FAT3: variants seen among roughly 807,000 people sequenced by gnomAD.
The protein encoded by FAT3 is FAT atypical cadherin 3, also known as protocadherin Fat 3.
A neutral mutation model predicts 310.2 loss-of-function variants in FAT3; 95 were observed. The observed-to-expected ratio is 0.31, with a 90% CI of 0.26 to 0.36. FAT3 has a LOEUF of 0.36. FAT3 is among the 10% of genes least tolerant of loss of function. The pLI, the probability that FAT3 is intolerant of heterozygous loss-of-function variation, is 1.00. For synonymous variants in FAT3, 2,314 were observed against 2,192.9 expected, an observed-to-expected ratio of 1.06 and a Z score of -1.54; for missense variants, 5,408 against 5,715.6, an observed-to-expected ratio of 0.95 and a Z score of 1.74.
At chr11:92,776,109 TG>T (rs1220883432) in intron 7 of FAT3, among the ~76,000 whole-genome samples, 9 of 152,216 alleles carry the variant, frequency 5.9e-5, no homozygotes, top group African/African-American at 2.2e-4. Context: ...CTTAAAAACA[TG>T]ACATATTTGA....
intron 2 of FAT3, among the ~76,000 whole-genome samples, chr11:92,472,461 A>G (rs1951934033): frequency 5.3e-5 from 8 of 152,200 alleles, no homozygotes; most frequent in Admixed American, 4.6e-4. Context: ...AAGCATTTTG[A>G]GAATACAGAC....
intron 22 of FAT3, among the ~76,000 whole-genome samples, chr11:92,875,355 G>T (rs1949506076): frequency 3.0e-5 from 1 of 33,832 alleles, no homozygotes; most frequent in African/African-American, 8.4e-5. Flanking sequence ...AACAGAATGG[G>T]TAATGAAGTG....
At position 92,883,804 on chromosome 11, in the gene FAT3, G is replaced by A. The variant is rs1486029390; in HGVS notation, c.12937+411G>A. Among the ~76,000 whole-genome samples the A allele has an allele frequency of 6.6e-6, 1 of 152,174 alleles. No homozygotes were observed. The highest frequency in any genetic ancestry group is 2.4e-5 in the African/African-American group (1 of 41,428). ...TGGGCCTATGTACAAAGTGCAAAAAGCCACTTGAGTGATGTCCAGAAGTGT... is the reference window on the plus strand; with the variant it reads ...TGGGCCTATGTACAAAGTGCAAAAAACCACTTGAGTGATGTCCAGAAGTGT... On this transcript the variant is annotated intron_variant, in intron 24 of 27. Coordinates refer to ENST00000525166, the MANE Select transcript of FAT3 (RefSeq NM_001367949.2). The surrounding 1 kb of genome is among the most constrained non-coding windows in gnomAD (Gnocchi z 4.2).
chr11:92,852,124 A>G (rs1948846340), intron 19 of FAT3, among the ~76,000 whole-genome samples: 1 of 152,152 alleles, frequency 6.6e-6, no homozygotes, highest in Non-Finnish European at 1.5e-5. Flanking sequence ...TATATCTGAG[A>G]CCAAGGGGAC....
chr11:92,489,887 CTTTTTTTTTT>C lies in FAT3; in HGVS notation c.3293-34741_3293-34732del, dbSNP rs566218023. Among the ~76,000 whole-genome samples the C allele has an allele frequency of 5.8e-4, 81 of 139,974 alleles. 1 individual carries two copies. In the South Asian group the frequency reaches 0.018, roughly 31 times the overall value. The allele number at this position is 139,974 out of a possible 152,430, so 91.8% of individuals were successfully genotyped here. On this transcript the variant is annotated intron_variant, in intron 2 of 27. Transcript: ENST00000525166. ...GAGTTTTCGTAGTTTTTTTCTTTTT[CTTTTTTTTTT>C]TTTTTACTTTCTCCCATGAGCAGCG...
intron 3 of FAT3, among the ~76,000 whole-genome samples, chr11:92,623,860 G>A (rs953508548): frequency 6.6e-5 from 10 of 152,054 alleles, no homozygotes; most frequent in African/African-American, 1.7e-4. Context: ...GGAGAATGGC[G>A]TGAACCCGGG....
At chr11:92,709,908 T>C (rs1853054757) in intron 4 of FAT3, among the ~76,000 whole-genome samples, 1 of 152,194 alleles carries the variant, frequency 6.6e-6, no homozygotes, top group Non-Finnish European at 1.5e-5. Flanking sequence ...TGGGAGATCA[T>C]AAATACATAA....
At chr11:92,259,105 C>T (rs1865436047) in intron 1 of FAT3, among the ~76,000 whole-genome samples, 1 of 151,962 alleles carries the variant, frequency 6.6e-6, no homozygotes, top group East Asian at 1.9e-4. Context: ...CTTAGCACTG[C>T]AATATTAAGT....
At chr11:92,320,512 A>G (rs1361018804) in intron 1 of FAT3, among the ~76,000 whole-genome samples, 2 of 152,206 alleles carry the variant, frequency 1.3e-5, no homozygotes, top group Non-Finnish European at 2.9e-5. Flanking sequence ...GGTGGTTAAG[A>G]TAGCACTAAG....
At chr11:92,708,436 C>T (rs976485191) in intron 4 of FAT3, among the ~76,000 whole-genome samples, 10 of 152,160 alleles carry the variant, frequency 6.6e-5, no homozygotes, top group Non-Finnish European at 1.2e-4. Context: ...TGACCTACAG[C>T]CAAATTACTT....
At chr11:92,247,725 G>GTT (rs139681837) in intron 1 of FAT3, among the ~76,000 whole-genome samples, 9 of 141,688 alleles carry the variant, frequency 6.4e-5, no homozygotes, top group Admixed American at 7.1e-5. Context: ...AGGTTCACCT[G>GTT]TTTTTTTTTT....
At chr11:92,651,058 G>A (rs757364138) in intron 3 of FAT3, among the ~76,000 whole-genome samples, 24 of 152,168 alleles carry the variant, frequency 1.6e-4, no homozygotes, top group African/African-American at 3.9e-4. Flanking sequence ...TTGTGGAAAG[G>A]GGTTGGCCTC....
intron 2 of FAT3, among the ~76,000 whole-genome samples, chr11:92,371,949 A>G (rs1206440012): frequency 2.6e-5 from 4 of 152,178 alleles, no homozygotes; most frequent in Non-Finnish European, 5.9e-5. Flanking sequence ...TGAAATGGAG[A>G]CCACATATAA....
At chr11:92,659,201 C>T (rs1942686227) in intron 3 of FAT3, among the ~76,000 whole-genome samples, 1 of 152,206 alleles carries the variant, frequency 6.6e-6, no homozygotes, top group Non-Finnish European at 1.5e-5. Context: ...CTAAAATTCA[C>T]AGAGGCTAAC....
intron 3 of FAT3, among the ~76,000 whole-genome samples, chr11:92,612,276 C>T (rs1256276279): frequency 2.0e-5 from 3 of 152,154 alleles, no homozygotes; most frequent in African/African-American, 4.8e-5. Context: ...CTCACCCCTG[C>T]GAAAATCTCC....
At chr11:92,760,853 CTCT>C (rs1363507213) in intron 4 of FAT3, among the ~76,000 whole-genome samples, 5 of 152,236 alleles carry the variant, frequency 3.3e-5, no homozygotes, top group Middle Eastern at 3.4e-3. Flanking sequence ...TATGTATGTG[CTCT>C]TCATTACTCT....
At chr11:92,521,360 G>A (rs1953676271) in intron 2 of FAT3, among the ~76,000 whole-genome samples, 1 of 152,094 alleles carries the variant, frequency 6.6e-6, no homozygotes. Context: ...CTGTGAGAAT[G>A]GCACATGACC....
intron 4 of FAT3, among the ~76,000 whole-genome samples, chr11:92,703,498 A>G (rs1944166143): frequency 6.6e-6 from 1 of 152,202 alleles, no homozygotes; most frequent in Non-Finnish European, 1.5e-5. Flanking sequence ...AAATAGCAGC[A>G]TGGAGCAGGC....
chr11:92,578,165 A>G (rs1173539073), intron 3 of FAT3, among the ~76,000 whole-genome samples: 2 of 152,102 alleles, frequency 1.3e-5, no homozygotes, highest in African/African-American at 4.8e-5. Context: ...AGTTCCAGAA[A>G]GTAACAATTT....
Sources: gnomAD v4.1 joint callset for allele counts (sites outside exome capture counted in the v4.1 genomes callset) on GRCh38, gnomAD v4.1.1 for gene constraint, Gnocchi (gnomAD v3.1) non-coding constraint, MANE v1.5 for transcripts, NCBI Gene and HGNC (gene_info 2026-07-23, HGNC 2026-07-21) for gene names.